The following METTL16 variants were observed in gnomAD, a reference collection of about 807,000 sequenced individuals.
The protein encoded by METTL16 is methyltransferase 16, RNA N6-adenosine.
Under a neutral mutation model 57.9 loss-of-function variants are expected in METTL16, and 19 were observed. The observed-to-expected ratio is 0.33, with a 90% CI of 0.23 to 0.48. METTL16 has a LOEUF of 0.48. METTL16 is among the 20% of genes least tolerant of loss of function. The probability of loss-of-function intolerance (pLI) is 0.99; values close to 1 mark genes in which losing one functional copy is unlikely to be tolerated. For synonymous variants in METTL16, 246 were observed against 255.6 expected, an observed-to-expected ratio of 0.96 and a Z score of 0.36; for missense variants, 434 against 691.5, an observed-to-expected ratio of 0.63 and a Z score of 4.18.
At position 2,438,201 on chromosome 17, in the gene METTL16, G is replaced by A; in HGVS notation, c.799-3C>T. ...TCAGTGTACGTTACTTTGGGAACCT[G>A]AAACCAACAAAGACAGCATCTCATC... On this transcript the variant is annotated splice_region_variant and splice_polypyrimidine_tract_variant and intron_variant, in intron 7 of 9. Coordinates refer to ENST00000263092, the MANE Select transcript of METTL16 (RefSeq NM_024086.4). 6.2e-7 allele frequency: 1 copy of A among 1,610,806 alleles called. No individual in the cohort carries two copies. Among genetic ancestry groups the A allele is most frequent in the East Asian group, 2.2e-5 (1 of 44,840 alleles).
At chr17:2,498,981 C>T (rs1252788639) in intron 2 of METTL16, among the ~76,000 whole-genome samples, 1 of 151,678 alleles carries the variant, frequency 6.6e-6, no homozygotes, top group African/African-American at 2.4e-5. Context: ...GCCTGGAATA[C>T]TCTTCTTTCT....
At chr17:2,474,838 C>T (rs147878215) in intron 3 of METTL16, among the ~76,000 whole-genome samples, 1,915 of 152,174 alleles carry the variant, frequency 0.013, 44 homozygotes, top group African/African-American at 0.044. Context: ...GAGAATCGCT[C>T]GAACCTGGGA....
chr17:2,462,786 TACTC>T (rs2067159924), intron 6 of METTL16, among the ~76,000 whole-genome samples: 1 of 152,228 alleles, frequency 6.6e-6, no homozygotes, highest in Admixed American at 6.5e-5. Flanking sequence ...CTTTACAAAT[TACTC>T]AGTCTCAGGT....
intron 1 of METTL16, among the ~76,000 whole-genome samples, chr17:2,504,742 T>A (rs1049817423): frequency 6.6e-6 from 1 of 152,152 alleles, no homozygotes; most frequent in African/African-American, 2.4e-5. Flanking sequence ...TTATTTTTAA[T>A]TTTATTTTTT....
Position 2,467,805 on chromosome 17 carries a change from A to G in METTL16, c.541T>C (p.Cys181Arg). 1 of 1,614,190 alleles carries G rather than the reference A, an allele frequency of 6.2e-7. No homozygotes were observed. The highest frequency in any genetic ancestry group is 8.5e-7 in the Non-Finnish European group (1 of 1,180,008). ...GCAAAAAAGGGAGGGTTGCACATGCAAAAGTCATAGATTATCTCAGATTCT... is the reference window on the plus strand; with the variant it reads ...GCAAAAAAGGGAGGGTTGCACATGCGAAAGTCATAGATTATCTCAGATTCT... ...KEESEIIYDF[C>R]MCNPPFFANQ... The change falls in exon 5 of 10, where the codon TGC becomes CGC. Residue 181 changes from cysteine to arginine, a missense_variant. By Grantham distance (180) the Cys-to-Arg change is radical (BLOSUM62 -3). This residue lies in a region of METTL16 where 118 missense variants were observed against 280.0 expected (regional missense o/e 0.42). Coordinates refer to ENST00000263092, the MANE Select transcript of METTL16 (RefSeq NM_024086.4).
chr17:2,441,379 G>T, intron 7 of METTL16, 111 bp downstream of exon 7: 1 of 698,660 alleles, frequency 1.4e-6, no homozygotes, highest in African/African-American at 1.9e-5. Flanking sequence ...CAGTTACACT[G>T]AAAGCCCTGA....
At chr17:2,435,957 T>C (rs1411293624) in intron 8 of METTL16, among the ~76,000 whole-genome samples, 1 of 152,122 alleles carries the variant, frequency 6.6e-6, no homozygotes, top group African/African-American at 2.4e-5. Context: ...TGCCCTTTAC[T>C]ACGTGGACCT....
rs889306965 is a variant in METTL16, at chr17:2,484,559, A to G, written c.129-6674T>C. On this transcript the variant is annotated intron_variant, in intron 2 of 9. Transcript: ENST00000263092. Reference sequence around the variant, plus strand: ...GCCCAGCCTGGAGTTCAATGGCGCAATATCAGCTCACTGCAACCTCCACCT... The same window carrying G: ...GCCCAGCCTGGAGTTCAATGGCGCAGTATCAGCTCACTGCAACCTCCACCT... Among the ~76,000 whole-genome samples the G allele has an allele frequency of 3.3e-5, 5 of 152,010 alleles. No homozygotes were observed. In the East Asian group the frequency reaches 5.8e-4, roughly 18 times the overall value.
rs2067338319 is a variant in METTL16, at chr17:2,485,979, G to C, written c.129-8094C>G. 2.6e-5 allele frequency among the ~76,000 whole-genome samples: 4 copies of C among 152,110 alleles called. No individual in the cohort carries two copies. The South Asian group carries it at 8.3e-4, about 31-fold the overall frequency. ...TGACAATGGAAGAAAAATTCACAAAGGAAGGAACGAAGGGAAGGGAACGTG... is the reference window on the plus strand; with the variant it reads ...TGACAATGGAAGAAAAATTCACAAACGAAGGAACGAAGGGAAGGGAACGTG... On this transcript the variant is annotated intron_variant, in intron 2 of 9. Transcript: ENST00000263092.
intron 4 of METTL16, among the ~76,000 whole-genome samples, chr17:2,469,289 TAATTTGTTACA>T (rs1454023668): frequency 1.3e-5 from 2 of 152,112 alleles, no homozygotes; most frequent in Non-Finnish European, 1.5e-5. Flanking sequence ...GATTTTGGAA[TAATTTGTTACA>T]CAACAATGGA....
intron 4 of METTL16, among the ~76,000 whole-genome samples, chr17:2,468,916 TG>T (rs2067219219): frequency 1.2e-5 from 1 of 83,134 alleles, no homozygotes; most frequent in African/African-American, 5.7e-5. Context: ...TTTTTGTTGT[TG>T]TGTGTGTGTG....
chr17:2,430,019 G>A (rs560100837), intron 8 of METTL16, among the ~76,000 whole-genome samples: 66 of 151,058 alleles, frequency 4.4e-4, no homozygotes, highest in African/African-American at 1.6e-3. Context: ...TCACCATGTT[G>A]GCCAGGCTAG....
At chr17:2,495,848 C>G (rs1369569472) in intron 2 of METTL16, among the ~76,000 whole-genome samples, 2 of 151,646 alleles carry the variant, frequency 1.3e-5, no homozygotes, top group East Asian at 3.9e-4. Context: ...GTGGCTCACG[C>G]CTGTAATCCC....
At chr17:2,449,025 CAAAAAA>C (rs576780337) in intron 6 of METTL16, among the ~76,000 whole-genome samples, 1 of 89,172 alleles carries the variant, frequency 1.1e-5, no homozygotes, top group South Asian at 3.3e-4. Context: ...GACTCCGTCT[CAAAAAA>C]AAAAAAAAGT....
At chr17:2,463,634 A>G (rs995540888) in intron 6 of METTL16, among the ~76,000 whole-genome samples, 2 of 151,324 alleles carry the variant, frequency 1.3e-5, no homozygotes, top group African/African-American at 2.4e-5. Flanking sequence ...GCTCATTTTT[A>G]TATTTTTAGT....
At chr17:2,451,356 C>T (rs1051479328) in intron 6 of METTL16, among the ~76,000 whole-genome samples, 2 of 152,138 alleles carry the variant, frequency 1.3e-5, no homozygotes, top group Non-Finnish European at 2.9e-5. Flanking sequence ...CAGCGGCTCA[C>T]GCCTGTAATC....
intron 1 of METTL16, among the ~76,000 whole-genome samples, chr17:2,506,418 T>C (rs1241415583): frequency 1.3e-5 from 2 of 151,898 alleles, no homozygotes; most frequent in Non-Finnish European, 2.9e-5. Context: ...GCCGAGTGCC[T>C]GCGATTGCAG....
rs543285862 is a variant in METTL16 at position 2,419,816 on chromosome 17, G to T, written c.*154C>A. The T allele has an allele frequency of 1.1e-6, 1 of 876,426 alleles. No homozygotes were observed. Among genetic ancestry groups the T allele is most frequent in the Non-Finnish European group, 1.8e-6 (1 of 550,750 alleles). 54.3% of individuals were successfully genotyped at this position (876,426 alleles called of 1,614,324 possible). On this transcript the variant is annotated 3_prime_UTR_variant, in exon 10 of 10. Transcript: ENST00000263092. ...GTAACTCAAAAAGCGGGAAGGAGGC[G>T]GGGGGAGGTGGGGGACAGATTCATA...
intron 4 of METTL16, among the ~76,000 whole-genome samples, chr17:2,471,175 T>G (rs1039506582): frequency 6.6e-6 from 1 of 152,136 alleles, no homozygotes; most frequent in African/African-American, 2.4e-5. Context: ...TGCAAGACTA[T>G]AAAACTCCTA....
Sources: gnomAD v4.1 joint callset for allele counts (sites outside exome capture counted in the v4.1 genomes callset) on GRCh38, gnomAD v4.1.1 for gene constraint, gnomAD v4.1.1 regional missense constraint, MANE v1.5 for transcripts, NCBI Gene and HGNC (gene_info 2026-07-23, HGNC 2026-07-21) for gene names.